Variants in PTCHD4 observed in about 807,000 individuals in gnomAD.
PTCHD4 encodes patched domain-containing protein 4.
A neutral mutation model predicts 58.1 loss-of-function variants in PTCHD4; 33 were observed. The observed-to-expected ratio is 0.57, with a 90% confidence interval of 0.43 to 0.76. PTCHD4 has a LOEUF of 0.76. Among genes scored for constraint, PTCHD4 ranks in the 30% least tolerant of loss-of-function variants. The pLI, the probability that PTCHD4 is intolerant of heterozygous loss-of-function variation, is 0.00. For synonymous variants in PTCHD4, 478 were observed against 409.6 expected (o/e 1.17, Z -2.02); for missense variants, 1,058 against 1,027.1 (o/e 1.03, Z -0.41).
intron 1 of PTCHD4, among the ~76,000 whole-genome samples, chr6:48,088,363 T>C (rs1765301121): frequency 6.6e-6 from 1 of 152,182 alleles, no homozygotes; most frequent in African/African-American, 2.4e-5. Context: ...AGTTCTTAAA[T>C]GGGTAAGTGA....
rs1000975105 is a variant in PTCHD4, at chr6:47,864,695, A to G, written c.*13608T>C. Among the ~76,000 whole-genome samples, 1 of 151,906 alleles carries G rather than the reference A, an allele frequency of 6.6e-6. No homozygotes were observed. Among genetic ancestry groups the G allele is most frequent in the Non-Finnish European group, 1.5e-5 (1 of 67,902 alleles). The stretch of plus-strand genomic sequence containing the variant: ...ATTTTAGTTCTATGACTGTAGAAGA[A>G]TACAAAGAGTTCATATGGATTATTT... On this transcript the variant is annotated 3_prime_UTR_variant, in exon 5 of 5. Coordinates refer to ENST00000339488, the MANE Select transcript of PTCHD4 (RefSeq NM_001384253.1).
intron 3 of PTCHD4, among the ~76,000 whole-genome samples, chr6:48,043,675 A>G (rs1475365489): frequency 6.6e-6 from 1 of 151,896 alleles, no homozygotes; most frequent in Non-Finnish European, 1.5e-5. Flanking sequence ...CTGACTATGT[A>G]CAATGTCTCT....
intron 4 of PTCHD4, among the ~76,000 whole-genome samples, chr6:47,922,491 A>T (rs1765468363): frequency 6.6e-6 from 1 of 152,078 alleles, no homozygotes; most frequent in Non-Finnish European, 1.5e-5. Context: ...GCTATTATTT[A>T]AATGGCTGCA....
At chr6:47,949,857 A>T (rs1338049446) in intron 4 of PTCHD4, among the ~76,000 whole-genome samples, 4 of 151,880 alleles carry the variant, frequency 2.6e-5, no homozygotes, top group Admixed American at 2.6e-4. Flanking sequence ...TAATGCAGTA[A>T]GGAACTTGGA....
intron 1 of PTCHD4, among the ~76,000 whole-genome samples, chr6:48,096,623 A>AT (rs1582135039): frequency 6.6e-6 from 1 of 151,628 alleles, no homozygotes; most frequent in East Asian, 1.9e-4. Context: ...AAAAAAAAAA[A>AT]AAAGAAATAA....
intron 4 of PTCHD4, among the ~76,000 whole-genome samples, chr6:47,979,399 TG>T (rs139176855): frequency 0.017 from 2,603 of 152,130 alleles, 38 homozygotes; most frequent in South Asian, 0.047. Flanking sequence ...CGGATGTGTA[TG>T]GGGTGAAAGT....
intron 4 of PTCHD4, among the ~76,000 whole-genome samples, chr6:47,891,510 G>A (rs1434906737): frequency 1.3e-5 from 2 of 151,980 alleles, no homozygotes; most frequent in Admixed American, 1.3e-4. Context: ...TTTCAAAAGT[G>A]GTAGTGGTAA....
intron 4 of PTCHD4, among the ~76,000 whole-genome samples, chr6:47,950,612 G>A (rs79455446): frequency 0.01 from 1,562 of 152,170 alleles, 36 homozygotes; most frequent in African/African-American, 0.036. Context: ...TTGATTTTGG[G>A]GAAGTTAGTT....
intron 4 of PTCHD4, chr6:47,900,467 G>T (rs1275422847): frequency 6.6e-6 from 1 of 152,152 alleles, no homozygotes; most frequent in Non-Finnish European, 1.5e-5. Flanking sequence ...AAATTGGGTT[G>T]TGTTTTTATT....
At chr6:47,956,883 G>A (rs574646340) in intron 4 of PTCHD4, among the ~76,000 whole-genome samples, 21 of 152,164 alleles carry the variant, frequency 1.4e-4, no homozygotes, top group South Asian at 4.1e-4. Flanking sequence ...ATTGCCTTTC[G>A]TTGGGCGTGG....
chr6:47,969,570 T>C (rs1290899163), intron 4 of PTCHD4, among the ~76,000 whole-genome samples: 1 of 152,198 alleles, frequency 6.6e-6, no homozygotes, highest in African/African-American at 2.4e-5. Context: ...ATTAAAGTGG[T>C]ATATTACATG....
chr6:47,886,966 G>C (rs1278269677), intron 4 of PTCHD4, among the ~76,000 whole-genome samples: 1 of 152,150 alleles, frequency 6.6e-6, no homozygotes, highest in Admixed American at 6.5e-5. Context: ...ATTGCCCGTT[G>C]GTGGGCCCAT....
chr6:47,958,604 G>T (rs1766959296), intron 4 of PTCHD4, among the ~76,000 whole-genome samples: 1 of 152,198 alleles, frequency 6.6e-6, no homozygotes, highest in Non-Finnish European at 1.5e-5. Flanking sequence ...TACTCAAGTG[G>T]ATAGAGCTCA....
chr6:47,877,801 C>A lies in PTCHD4; in HGVS notation c.*502G>T, dbSNP rs1195049475. On this transcript the variant is annotated 3_prime_UTR_variant, in exon 5 of 5. Transcript: ENST00000339488. Reference sequence around the variant, plus strand: ...TACGGGATATATACATATATATGTACACATAAAATGGATTGGGAAGTCCTT... The same window carrying A: ...TACGGGATATATACATATATATGTAAACATAAAATGGATTGGGAAGTCCTT... 6.6e-6 allele frequency among the ~76,000 whole-genome samples: 1 copy of A among 151,946 alleles called. No individual in the cohort carries two copies. The highest frequency in any genetic ancestry group is 1.5e-5 in the Non-Finnish European group (1 of 67,958).
At chr6:48,053,894 C>T (rs1238197947) in intron 3 of PTCHD4, among the ~76,000 whole-genome samples, 6 of 152,110 alleles carry the variant, frequency 3.9e-5, no homozygotes, top group Non-Finnish European at 7.4e-5. Flanking sequence ...CAGATGTTCT[C>T]TCCTTTGAGA....
At chr6:47,934,153 G>A (rs1561965002) in intron 4 of PTCHD4, among the ~76,000 whole-genome samples, 1 of 152,144 alleles carries the variant, frequency 6.6e-6, no homozygotes, top group Non-Finnish European at 1.5e-5. Context: ...CTTGCCCACT[G>A]ATGGGGAGCC....
chr6:48,047,262 A>G (rs763236256), intron 3 of PTCHD4, among the ~76,000 whole-genome samples: 1 of 151,750 alleles, frequency 6.6e-6, no homozygotes, highest in African/African-American at 2.4e-5. Context: ...TTCAATTTTT[A>G]TCTATTTATA....
intron 1 of PTCHD4, among the ~76,000 whole-genome samples, chr6:48,079,309 C>T (rs1269270371): frequency 2.0e-5 from 3 of 152,078 alleles, no homozygotes; most frequent in African/African-American, 7.2e-5. Context: ...CGTTCCCTGA[C>T]AATTCTCCCA....
chr6:48,037,904 T>TG (rs1763697821), intron 3 of PTCHD4, among the ~76,000 whole-genome samples: 3 of 93,506 alleles, frequency 3.2e-5, no homozygotes, highest in Non-Finnish European at 4.5e-5. Flanking sequence ...ATGCTAAAAG[T>TG]AAAAAAAAAA....
Sources: allele counts gnomAD v4.1 joint callset (sites outside exome capture counted in the v4.1 genomes callset), GRCh38; gene constraint gnomAD v4.1.1; transcripts MANE v1.5; gene names NCBI Gene and HGNC (gene_info 2026-07-23, HGNC 2026-07-21).